Variants in MGAT4C observed in about 807,000 individuals in gnomAD.
The protein encoded by MGAT4C is alpha-1,3-mannosyl-glycoprotein 4-beta-N-acetylglucosaminyltransferase C.
Under a neutral mutation model 40.1 loss-of-function variants are expected in MGAT4C, and 19 were observed. The observed-to-expected ratio is 0.47, with a 90% CI of 0.33 to 0.70. The LOEUF (loss-of-function observed/expected upper bound fraction) is 0.70, where lower values mean the gene tolerates loss of function less well. Among genes scored for constraint, MGAT4C ranks in the 30% least tolerant of loss-of-function variants. The pLI is 0.02. For missense variants in MGAT4C, 491 were observed against 563.2 expected, an observed-to-expected ratio of 0.87 and a Z score of 1.30; for synonymous variants, 181 against 187.1, an observed-to-expected ratio of 0.97 and a Z score of 0.27.
At chr12:86,084,201 T>C (rs1327823082) in intron 1 of MGAT4C, among the ~76,000 whole-genome samples, 1 of 152,026 alleles carries the variant, frequency 6.6e-6, no homozygotes, top group African/African-American at 2.4e-5. Context: ...TAATGTCAGG[T>C]AGTGGTGAGC....
At chr12:86,208,033 T>C (rs1441401995) in intron 1 of MGAT4C, among the ~76,000 whole-genome samples, 1 of 152,188 alleles carries the variant, frequency 6.6e-6, no homozygotes, top group Admixed American at 6.5e-5. Flanking sequence ...CTTAATGTTT[T>C]CCTAAGCTTG....
intron 1 of MGAT4C, among the ~76,000 whole-genome samples, chr12:86,087,077 G>A (rs902317593): frequency 6.6e-6 from 1 of 152,010 alleles, no homozygotes; most frequent in Non-Finnish European, 1.5e-5. Flanking sequence ...AACCACTGAT[G>A]GACACTTAGG....
intron 1 of MGAT4C, among the ~76,000 whole-genome samples, chr12:86,811,429 A>G (rs1593229490): frequency 7.3e-6 from 1 of 137,142 alleles, no homozygotes; most frequent in Non-Finnish European, 1.5e-5. Flanking sequence ...TTCAATCTCC[A>G]CCTCCTACGT....
At chr12:86,305,434 C>A in intron 4 of MGAT4C, among the ~76,000 whole-genome samples, 1 of 115,082 alleles carries the variant, frequency 8.7e-6, no homozygotes. Flanking sequence ...AGCAAAACTC[C>A]GTCTCAAAGA....
intron 1 of MGAT4C, among the ~76,000 whole-genome samples, chr12:86,805,290 G>A (rs2136208845): frequency 6.6e-6 from 1 of 151,954 alleles, no homozygotes; most frequent in East Asian, 1.9e-4. Flanking sequence ...GTGATGCTTA[G>A]GTTTGGAATA....
At chr12:86,478,569 A>G (rs1957881236) in intron 2 of MGAT4C, among the ~76,000 whole-genome samples, 1 of 152,138 alleles carries the variant, frequency 6.6e-6, no homozygotes, top group Admixed American at 6.6e-5. Flanking sequence ...TTGGTAGTTC[A>G]TCTAAATTTT....
chr12:86,252,447 C>A (rs1340874434), intron 1 of MGAT4C, among the ~76,000 whole-genome samples: 3 of 151,990 alleles, frequency 2.0e-5, no homozygotes, highest in Non-Finnish European at 2.9e-5. Flanking sequence ...AATTTATCTT[C>A]AACTGATAGG....
chr12:86,620,663 A>G (rs756258242), intron 2 of MGAT4C, among the ~76,000 whole-genome samples: 15 of 152,288 alleles, frequency 9.8e-5, no homozygotes, highest in Middle Eastern at 6.8e-3. Flanking sequence ...AACACTACAT[A>G]GTACATCCAT....
intron 4 of MGAT4C, among the ~76,000 whole-genome samples, chr12:86,305,223 T>C (rs553542906): frequency 1.3e-5 from 2 of 150,362 alleles, no homozygotes; most frequent in African/African-American, 2.5e-5. Context: ...GCGGATCACC[T>C]GAGGTTGGGA....
At chr12:86,811,789 TATCA>T (rs1319045938) in intron 1 of MGAT4C, among the ~76,000 whole-genome samples, 2 of 151,618 alleles carry the variant, frequency 1.3e-5, no homozygotes, top group Admixed American at 6.6e-5. Flanking sequence ...CAATGTTCTC[TATCA>T]TTTTCCAATT....
At chr12:86,674,105 C>G (rs1007607768) in intron 2 of MGAT4C, among the ~76,000 whole-genome samples, 4 of 151,970 alleles carry the variant, frequency 2.6e-5, no homozygotes, top group Admixed American at 6.6e-5. Flanking sequence ...AACCACAAAA[C>G]CAAAACTACA....
chr12:86,716,588 G>A (rs997341035), intron 2 of MGAT4C, among the ~76,000 whole-genome samples: 9 of 152,118 alleles, frequency 5.9e-5, no homozygotes, highest in Admixed American at 5.9e-4. Flanking sequence ...AACTCATTGA[G>A]AAGTTATTAA....
intron 4 of MGAT4C, among the ~76,000 whole-genome samples, chr12:86,298,119 C>G (rs770209869): frequency 2.7e-5 from 4 of 150,766 alleles, no homozygotes; most frequent in Non-Finnish European, 5.9e-5. Flanking sequence ...TAATAAAAGC[C>G]CTAAAGGGTA....
chr12:86,303,640 A>G (rs1316041383), intron 4 of MGAT4C, among the ~76,000 whole-genome samples: 1 of 150,310 alleles, frequency 6.7e-6, no homozygotes, highest in Non-Finnish European at 1.5e-5. Context: ...CAAGCTATGT[A>G]ACCTTAAATA....
At chr12:86,673,091 G>C (rs527415358) in intron 2 of MGAT4C, among the ~76,000 whole-genome samples, 75 of 152,200 alleles carry the variant, frequency 4.9e-4, no homozygotes, top group Non-Finnish European at 8.4e-4. Context: ...CAGTGCCAAA[G>C]TGATAACTAT....
At chr12:86,404,123 C>T (rs76821894) in intron 3 of MGAT4C, among the ~76,000 whole-genome samples, 9,838 of 152,060 alleles carry the variant, frequency 0.065, 764 homozygotes, top group East Asian at 0.23. Flanking sequence ...TTTGAGATTG[C>T]GGTGAGCTTT....
intron 2 of MGAT4C, among the ~76,000 whole-genome samples, chr12:86,521,174 G>A (rs969840720): frequency 9.9e-5 from 15 of 152,090 alleles, no homozygotes; most frequent in African/African-American, 3.4e-4. Context: ...TATTGCCTAG[G>A]TTGTCTTCAA....
At chr12:86,022,761 G>T (rs1889880419) in intron 2 of MGAT4C, among the ~76,000 whole-genome samples, 1 of 152,124 alleles carries the variant, frequency 6.6e-6, no homozygotes. Context: ...AAGGCAAAAG[G>T]AAGGTAAATG....
chr12:86,331,236 C>T (rs140872270), intron 4 of MGAT4C, among the ~76,000 whole-genome samples: 152 of 152,250 alleles, frequency 1.0e-3, no homozygotes, highest in African/African-American at 3.4e-3. Context: ...TGCTTCCAAG[C>T]GGTTGCATCC....
Sources: allele counts gnomAD v4.1 joint callset (sites outside exome capture counted in the v4.1 genomes callset), GRCh38; gene constraint gnomAD v4.1.1; transcripts MANE v1.5; gene names NCBI Gene and HGNC (gene_info 2026-07-23, HGNC 2026-07-21).